The following STPG2 variants were observed in gnomAD, a reference collection of about 807,000 sequenced individuals.
STPG2 encodes sperm tail PG-rich repeat containing 2, also known as sperm-tail PG-rich repeat-containing protein 2.
In STPG2, 56 loss-of-function variants were observed where a neutral mutation model predicts 54.2. The observed-to-expected ratio is 1.03, with a 90% confidence interval of 0.83 to 1.29. The LOEUF is 1.29. STPG2 is among the 50% of genes most tolerant of loss of function. The pLI, the probability that STPG2 is intolerant of heterozygous loss-of-function variation, is 0.00. For missense variants in STPG2, 596 were observed against 544.9 expected, an observed-to-expected ratio of 1.09 and a Z score of -0.93; for synonymous variants, 200 against 181.8, an observed-to-expected ratio of 1.10 and a Z score of -0.81.
intron 1 of STPG2, among the ~76,000 whole-genome samples, chr4:98,138,963 A>G (rs1740206046): frequency 6.6e-6 from 1 of 152,214 alleles, no homozygotes; most frequent in Non-Finnish European, 1.5e-5. Context: ...TAATGCCAGG[A>G]GTAGTCACAT....
At chr4:97,700,229 T>C (rs1371401885) in intron 10 of STPG2, among the ~76,000 whole-genome samples, 1 of 152,194 alleles carries the variant, frequency 6.6e-6, no homozygotes, top group Non-Finnish European at 1.5e-5. Flanking sequence ...CAATTGGATC[T>C]GTTGAGTCAT....
intron 9 of STPG2, among the ~76,000 whole-genome samples, chr4:97,796,321 T>C (rs1308064992): frequency 2.0e-5 from 3 of 152,248 alleles, no homozygotes; most frequent in African/African-American, 4.8e-5. Context: ...TTCTAGGGTT[T>C]TTATGGTTTT....
intron 10 of STPG2, among the ~76,000 whole-genome samples, chr4:97,573,261 A>G (rs1732644188): frequency 6.6e-6 from 1 of 152,104 alleles, no homozygotes; most frequent in African/African-American, 2.4e-5. Flanking sequence ...CTTTGATAAA[A>G]TGAAAATTGT....
intron 8 of STPG2, among the ~76,000 whole-genome samples, chr4:97,933,212 G>T (rs10021218): frequency 0.39 from 59,288 of 151,696 alleles, 11,683 homozygotes; most frequent in Middle Eastern, 0.46. Context: ...TTTTGATGGG[G>T]TTGTTTTTTC....
chr4:98,097,394 T>C (rs1738892136), intron 5 of STPG2, among the ~76,000 whole-genome samples: 1 of 152,150 alleles, frequency 6.6e-6, no homozygotes, highest in South Asian at 2.1e-4. Context: ...TCATTTCAAT[T>C]GATGCTGAAA....
At chr4:97,880,110 G>A (rs532777323) in intron 8 of STPG2, among the ~76,000 whole-genome samples, 10 of 152,188 alleles carry the variant, frequency 6.6e-5, no homozygotes, top group East Asian at 3.9e-4. Flanking sequence ...ATACAATACC[G>A]TACAGCCTTC....
chr4:97,822,815 A>G (rs1489646563), intron 9 of STPG2, among the ~76,000 whole-genome samples: 2 of 152,196 alleles, frequency 1.3e-5, no homozygotes, highest in Non-Finnish European at 2.9e-5. Context: ...CTCTACCCCC[A>G]TGACCCAAAC....
intron 4 of STPG2, among the ~76,000 whole-genome samples, chr4:97,530,679 C>G (rs1454289760): frequency 6.6e-6 from 1 of 152,144 alleles, no homozygotes; most frequent in Non-Finnish European, 1.5e-5. Context: ...GTTACAAGAA[C>G]CAAAATCAGG....
chr4:97,832,092 C>T (rs1728486149), intron 9 of STPG2, among the ~76,000 whole-genome samples: 1 of 152,118 alleles, frequency 6.6e-6, no homozygotes, highest in African/African-American at 2.4e-5. Flanking sequence ...GCCAATATCC[C>T]TGATAAACAT....
At chr4:97,600,474 A>G (rs571172262) in intron 10 of STPG2, among the ~76,000 whole-genome samples, 1 of 152,328 alleles carries the variant, frequency 6.6e-6, no homozygotes, top group East Asian at 1.9e-4. Context: ...GAGTTCAAAT[A>G]AATATTGATC....
At chr4:97,473,391 T>C (rs1729991444) in intron 4 of STPG2, among the ~76,000 whole-genome samples, 2 of 152,114 alleles carry the variant, frequency 1.3e-5, no homozygotes, top group African/African-American at 4.8e-5. Context: ...CCCTTGGGTG[T>C]GGCCGTCTTC....
At chr4:97,557,452 CATACAAA>C (rs1246660049), downstream of STPG2, among the ~76,000 whole-genome samples, 1 of 152,034 alleles carries the variant, frequency 6.6e-6, no homozygotes, top group Non-Finnish European at 1.5e-5. Flanking sequence ...CATCATGTAG[CATACAAA>C]ATAGTGAAAA....
At chr4:97,571,552 A>C (rs1280372845) in intron 10 of STPG2, among the ~76,000 whole-genome samples, 2 of 152,168 alleles carry the variant, frequency 1.3e-5, no homozygotes, top group Non-Finnish European at 2.9e-5. Context: ...ATAGCAACCC[A>C]GACATTCCCT....
intron 10 of STPG2, among the ~76,000 whole-genome samples, chr4:97,559,508 C>T (rs17465339): frequency 0.012 from 1,864 of 152,260 alleles, 27 homozygotes; most frequent in Non-Finnish European, 0.019. Flanking sequence ...ATAGATGAAA[C>T]TGTTTCAAGT....
At chr4:97,845,721 T>C (rs1728929749) in intron 8 of STPG2, among the ~76,000 whole-genome samples, 1 of 152,164 alleles carries the variant, frequency 6.6e-6, no homozygotes, top group Admixed American at 6.5e-5. Flanking sequence ...GCATTAAATT[T>C]CAGAAATAGT....
At chr4:97,995,144 A>G (rs115942949) in intron 5 of STPG2, among the ~76,000 whole-genome samples, 2,450 of 150,530 alleles carry the variant, frequency 0.016, 71 homozygotes, top group African/African-American at 0.057. Context: ...CCGAAAGGCC[A>G]GTCTCACTCC....
At chr4:98,036,769 C>G (rs1031647162) in intron 5 of STPG2, among the ~76,000 whole-genome samples, 3 of 151,886 alleles carry the variant, frequency 2.0e-5, no homozygotes, top group African/African-American at 7.3e-5. Context: ...ACAAGTTTAC[C>G]TATGTAACAA....
intron 5 of STPG2, among the ~76,000 whole-genome samples, chr4:98,018,891 T>C (rs1736069250): frequency 6.6e-6 from 1 of 152,012 alleles, no homozygotes; most frequent in South Asian, 2.1e-4. Context: ...TAAATTTGTT[T>C]GAGTTCATTG....
intron 9 of STPG2, among the ~76,000 whole-genome samples, chr4:97,751,167 T>C (rs1435787725): frequency 6.6e-6 from 1 of 151,878 alleles, no homozygotes; most frequent in East Asian, 1.9e-4. Context: ...ACATGATTAC[T>C]GGGAAATTAG....
Sources: gnomAD v4.1 joint callset for allele counts (sites outside exome capture counted in the v4.1 genomes callset) on GRCh38, gnomAD v4.1.1 for gene constraint, MANE v1.5 for transcripts, NCBI Gene and HGNC (gene_info 2026-07-23, HGNC 2026-07-21) for gene names.